The following DNAH10 variants were observed in gnomAD, a reference collection of about 807,000 sequenced individuals.
The protein encoded by DNAH10 is axonemal beta dynein heavy chain 10.
A neutral mutation model predicts 506.6 loss-of-function variants in DNAH10; 348 were observed. That is an observed-to-expected ratio of 0.69 (90% CI 0.63 to 0.75). The LOEUF (loss-of-function observed/expected upper bound fraction) is 0.75. Ranked by LOEUF, DNAH10 falls within the 30% of genes least tolerant of loss-of-function variation. The probability of loss-of-function intolerance (pLI) is 0.00; values close to 1 mark genes in which losing one functional copy is unlikely to be tolerated. For missense variants in DNAH10, 5,179 were observed against 5,787.1 expected, an observed-to-expected ratio of 0.89 and a Z score of 3.41; for synonymous variants, 2,059 against 2,198.6, an observed-to-expected ratio of 0.94 and a Z score of 1.78.
chr12:123,819,028 G>A lies in DNAH10; in HGVS notation c.3859G>A (p.Glu1287Lys), dbSNP rs755183204. 23 of 1,606,358 alleles carry A rather than the reference G, an allele frequency of 1.4e-5. No individual in the cohort carries two copies. The South Asian group carries it at 2.2e-4, about 16-fold the overall frequency. Residue 1287 changes from glutamate to lysine, a missense_variant, in exon 22 of 79, where the codon GAG becomes AAG. Transcript: ENST00000673944. Reference protein sequence around the residue: ...SNLFNDSVNVEHALGDIKRTF... With the variant: ...SNLFNDSVNVKHALGDIKRTF... ...TCTGTTTAATGATTCAGTGAATGTG[G>A]AGCATGCTCTTGGGGACATAAAGAG...
At chr12:123,835,875 T>C (rs182160287) in intron 28 of DNAH10, among the ~76,000 whole-genome samples, 141 of 152,320 alleles carry the variant, frequency 9.3e-4, no homozygotes, top group African/African-American at 2.8e-3. Flanking sequence ...CTCTCCCACA[T>C]TGGCCTCCCA....
rs540263008 is a variant in DNAH10 at position 123,859,407 on chromosome 12, G to C, written c.6749+139G>C. 185 of 650,856 alleles carry C rather than the reference G, an allele frequency of 2.8e-4. 2 individuals carry two copies. In the South Asian group the frequency reaches 4.8e-3, roughly 17 times the overall value. 40.3% of individuals were successfully genotyped at this position (650,856 alleles called of 1,614,324 possible). ...TGTAATACACACCCCTTTCGACTCA[G>C]CGTGTTTTTACTGACTTTATTGCAG... On this transcript the variant is annotated intron_variant, in intron 38 of 78. Coordinates refer to ENST00000673944, the MANE Select transcript of DNAH10 (RefSeq NM_001372106.1).
At position 123,817,850 on chromosome 12, in the gene DNAH10, C is replaced by T. The variant is rs150402551; in HGVS notation, c.3781-1100C>T. Among the ~76,000 whole-genome samples the T allele has an allele frequency of 1.1e-3, 163 of 152,192 alleles. 1 individual carries two copies. The highest frequency in any genetic ancestry group is 3.1e-3 in the African/African-American group (128 of 41,542). On this transcript the variant is annotated intron_variant, in intron 21 of 78. Coordinates refer to ENST00000673944, the MANE Select transcript of DNAH10 (RefSeq NM_001372106.1). ...CACCATAACTGGGTACATTAGCAAG[C>T]TAAGCTAAACTTATTCTAATCAGAG...
At chr12:123,864,947 T>G (rs1205817747) in intron 40 of DNAH10, among the ~76,000 whole-genome samples, 1 of 152,236 alleles carries the variant, frequency 6.6e-6, no homozygotes, top group African/African-American at 2.4e-5. Context: ...TTCTGATGAT[T>G]ACCCTAGTGT....
At position 123,910,691 on chromosome 12, in the gene DNAH10, A is replaced by G. The variant is rs1443401328; in HGVS notation, c.10134+19A>G. 1 of 1,608,826 alleles carries G rather than the reference A, an allele frequency of 6.2e-7. No individual in the cohort carries two copies. The highest frequency in any genetic ancestry group is 8.5e-7 in the Non-Finnish European group (1 of 1,178,852). ...AGAGAAGGTATTGCCCGAATGTAAGACTGCCACACCACTGCCAAGGGACCC... is the reference window on the plus strand; with the variant it reads ...AGAGAAGGTATTGCCCGAATGTAAGGCTGCCACACCACTGCCAAGGGACCC... On this transcript the variant is annotated intron_variant, in intron 59 of 78. Transcript: ENST00000673944.
rs546683675 is a variant in DNAH10 at position 123,846,128 on chromosome 12, G to A, written c.5788G>A (p.Asp1930Asn). The A allele has an allele frequency of 3.7e-5, 60 of 1,613,482 alleles. No individual in the cohort carries two copies. The South Asian group carries it at 4.1e-4, about 11-fold the overall frequency. The stretch of plus-strand genomic sequence containing the variant: ...CAGGCTGGTCATCACGCCCCTCACC[G>A]ATCGGATTTACCTGACGCTCACCCA... Reference protein sequence around the residue: ...NGRLVITPLTDRIYLTLTQAL... With the variant: ...NGRLVITPLTNRIYLTLTQAL... The change falls in exon 32 of 79, where the codon GAT becomes AAT. Residue 1930 changes from aspartate (D) to asparagine (N), a missense_variant. Transcript: ENST00000673944. The surrounding 1 kb of genome is among the most constrained non-coding windows in gnomAD (Gnocchi z 4.5).
chr12:123,764,078 C>A (rs1566303584), intron 1 of DNAH10, among the ~76,000 whole-genome samples: 1 of 151,706 alleles, frequency 6.6e-6, no homozygotes, highest in Non-Finnish European at 1.5e-5. Flanking sequence ...GTTGGCCGGG[C>A]TGCTCTTGAA....
rs575608485 is a variant in DNAH10 at position 123,926,820 on chromosome 12, G to A, written c.12105G>A (p.Lys4035=). The A allele has an allele frequency of 1.1e-5, 17 of 1,613,638 alleles. No individual in the cohort carries two copies. In the South Asian group the frequency reaches 1.3e-4, roughly 13 times the overall value. The change falls in exon 69 of 79, where the codon AAG becomes AAA. Residue 4035 remains lysine, a splice_region_variant and synonymous_variant. Transcript: ENST00000673944. This position sits in a 1 kb window ranked among gnomAD's most constrained non-coding sequence, Gnocchi z 4.1. ...TTGCAATGGGTCAAGGTCAAGAAAA[G>A]GTAATTTGTGGCTGAAAGGAACAAG... The part of the protein sequence containing the change: ...KFLAMGQGQE[K]VALQLLETAV...
In DNAH10 at chr12:123,903,136, C is replaced by T. The variant is rs1356323935; in HGVS notation, c.9815+23C>T. ...TAGGTAATGCACCTGAGCCACCATT[C>T]TGGGCTTCCATTCCACCTCTGCAAG... On this transcript the variant is annotated intron_variant, in intron 57 of 78. Coordinates refer to ENST00000673944, the MANE Select transcript of DNAH10 (RefSeq NM_001372106.1). The surrounding 1 kb of genome is among the most constrained non-coding windows in gnomAD (Gnocchi z 4.6). The T allele has an allele frequency of 1.3e-6, 2 of 1,589,362 alleles. No homozygotes were observed. The highest frequency in any genetic ancestry group is 8.6e-7 in the Non-Finnish European group (1 of 1,167,936).
intron 19 of DNAH10, 98 bp downstream of exon 19, chr12:123,809,051 G>A (rs1594081004): frequency 7.0e-7 from 1 of 1,425,552 alleles, no homozygotes; most frequent in East Asian, 2.3e-5. Context: ...ACTGCCCAAG[G>A]TGGAATTCTT....
chr12:123,875,241 A>G lies in DNAH10; in HGVS notation c.7949A>G (p.Tyr2650Cys), dbSNP rs763025377. Residue 2650 changes from tyrosine (Y) to cysteine (C), a missense_variant, in exon 47 of 79, where the codon TAT (tyrosine) becomes TGT (cysteine). Physicochemically the swap from Tyr to Cys is radical, Grantham distance 194. Coordinates refer to ENST00000673944, the MANE Select transcript of DNAH10 (RefSeq NM_001372106.1). ...TTAAAAAAAATCAAGGTGGATGAATATGGCACGCAGCAGCCCATTGCCTTG... is the reference window on the plus strand; with the variant it reads ...TTAAAAAAAATCAAGGTGGATGAATGTGGCACGCAGCAGCCCATTGCCTTG... ...DDMNMPRVDE[Y>C]GTQQPIALLK... 3.1e-6 allele frequency: 5 copies of G among 1,609,890 alleles called. No individual in the cohort carries two copies. The highest frequency in any genetic ancestry group is 1.7e-5 in the Admixed American group (1 of 59,260).
chr12:123,785,636 G>GGA lies in DNAH10; in HGVS notation c.1231-110_1231-109insGA. 2.8e-6 allele frequency: 2 copies of GGA among 704,982 alleles called. No individual in the cohort carries two copies. Among genetic ancestry groups the GGA allele is most frequent in the Non-Finnish European group, 3.9e-6 (2 of 507,768 alleles). The allele number at this position is 704,982 out of a possible 1,614,324, so 43.7% of individuals were successfully genotyped here. On this transcript the variant is annotated intron_variant, in intron 8 of 78. Transcript: ENST00000673944. This position sits in a 1 kb window ranked among gnomAD's most constrained non-coding sequence, Gnocchi z 4.1. The stretch of plus-strand genomic sequence containing the variant: ...CCTGGGCACCAGACTTGGTCTCAAG[G>GGA]AAAAAAAAAAAAAAAAAAGAGTGAA...
At chr12:123,935,061 A>G in intron 78 of DNAH10, 1 of 598,918 alleles carries the variant, frequency 1.7e-6, no homozygotes, top group East Asian at 2.8e-5. Flanking sequence ...TGCTGCAGAC[A>G]TTGCCTGAGT....
chr12:123,772,696 G>A (rs971462375), intron 3 of DNAH10, 138 bp from the exon 4 acceptor site: 2 of 639,408 alleles, frequency 3.1e-6, no homozygotes, highest in Non-Finnish European at 5.3e-6. Flanking sequence ...GGTACCCACT[G>A]TGTGGCTGTG....
At position 123,804,979 on chromosome 12, in the gene DNAH10, G is replaced by A. The variant is rs369315639; in HGVS notation, c.2926G>A (p.Ala976Thr). ...HTNTGKAPKL[A>T]SYYKYWEKKI... is the part of the protein sequence containing the mutation. ...CAACACAGGCAAGGCCCCCAAGCTG[G>A]CCTCCTACTACAAATACTGGGAAAA... The change falls in exon 18 of 79, where the codon GCC (alanine) becomes ACC (threonine). Residue 976 changes from alanine to threonine, a missense_variant. Physicochemically the swap from Ala to Thr is moderately conservative, Grantham distance 58. Coordinates refer to ENST00000673944, the MANE Select transcript of DNAH10 (RefSeq NM_001372106.1). 1.1e-5 allele frequency: 17 copies of A among 1,614,110 alleles called. No homozygotes were observed. The highest frequency in any genetic ancestry group is 1.4e-5 in the Non-Finnish European group (16 of 1,180,058).
At chr12:123,797,471 C>T (rs1958323619) in intron 13 of DNAH10, among the ~76,000 whole-genome samples, 1 of 151,798 alleles carries the variant, frequency 6.6e-6, no homozygotes, top group Non-Finnish European at 1.5e-5. Context: ...CAGCTCACTG[C>T]AGCCTTGACC....
chr12:123,866,271 T>G, intron 41 of DNAH10, among the ~76,000 whole-genome samples, 198 bp downstream of exon 41: 1 of 112,672 alleles, frequency 8.9e-6, no homozygotes, highest in South Asian at 3.2e-4. Flanking sequence ...GGAGACGGAG[T>G]CTCGCTCTGT....
chr12:123,787,908 G>A lies in DNAH10; in HGVS notation c.1526G>A (p.Gly509Glu). The A allele has an allele frequency of 1.9e-6, 3 of 1,612,212 alleles. No homozygotes were observed. Among genetic ancestry groups the A allele is most frequent in the Non-Finnish European group, 2.5e-6 (3 of 1,179,230 alleles). The change falls in exon 10 of 79, where the codon GGG becomes GAG. Residue 509 changes from glycine (G) to glutamate (E), a missense_variant. Around this residue, in one of 3 missense-constraint regions of DNAH10, gnomAD observed 4,844 missense variants for 5,430.5 expected, o/e 0.89. Transcript: ENST00000673944. This position sits in a 1 kb window ranked among gnomAD's most constrained non-coding sequence, Gnocchi z 4.6. Reference sequence around the variant, plus strand: ...ACCCGGGCCAAGATAGAGGCTTCGGGGAGGGAAGATCGGTGGGAGTTTGAC... The same window carrying A: ...ACCCGGGCCAAGATAGAGGCTTCGGAGAGGGAAGATCGGTGGGAGTTTGAC... ...FDTRAKIEAS[G>E]REDRWEFDRK...
intron 65 of DNAH10, among the ~76,000 whole-genome samples, chr12:123,921,459 A>G (rs912139938): frequency 1.3e-5 from 2 of 152,210 alleles, no homozygotes; most frequent in Admixed American, 6.5e-5. Flanking sequence ...GCCTGGCAGC[A>G]TGGAGTGAGA....
Sources: allele counts gnomAD v4.1 joint callset (sites outside exome capture counted in the v4.1 genomes callset), GRCh38; gene constraint gnomAD v4.1.1; regional missense constraint gnomAD v4.1.1; non-coding constraint Gnocchi (gnomAD v3.1); transcripts MANE v1.5; gene names NCBI Gene and HGNC (gene_info 2026-07-23, HGNC 2026-07-21).